Variants in GALNT13 observed in about 807,000 individuals in gnomAD.
GALNT13 encodes the protein UDP-GalNAc:polypeptide N-acetylgalactosaminyltransferase 13.
A neutral mutation model predicts 64.2 loss-of-function variants in GALNT13; 28 were observed. The ratio of observed to expected loss-of-function variants is 0.44; its 90% CI spans 0.32 to 0.60. GALNT13 has a LOEUF of 0.60. Among genes scored for constraint, GALNT13 ranks in the 20% least tolerant of loss-of-function variants. GALNT13 has a pLI of 0.05. For missense variants in GALNT13, 577 were observed against 669.8 expected (o/e 0.86, Z 1.53); for synonymous variants, 214 against 224.6 (o/e 0.95, Z 0.42).
intron 3 of GALNT13, among the ~76,000 whole-genome samples, chr2:154,066,111 A>G (rs781207307): frequency 1.3e-5 from 2 of 152,206 alleles, no homozygotes; most frequent in Non-Finnish European, 2.9e-5. Flanking sequence ...AGCGTCTCTT[A>G]ATAGAATTGA....
chr2:154,428,376 G>T (rs147559040), intron 11 of GALNT13, among the ~76,000 whole-genome samples: 1 of 152,090 alleles, frequency 6.6e-6, no homozygotes, highest in South Asian at 2.1e-4. Flanking sequence ...AGTAAATATT[G>T]TCCTGATGAA....
the GALNT13 span, among the ~76,000 whole-genome samples, chr2:153,129,977 T>A: frequency 6.6e-6 from 1 of 152,182 alleles, no homozygotes; most frequent in African/African-American, 2.4e-5. Context: ...AAAAGGCGGC[T>A]GTGAGGATGA....
intron 9 of GALNT13, among the ~76,000 whole-genome samples, chr2:154,353,782 G>A (rs912589728): frequency 8.5e-5 from 13 of 152,108 alleles, no homozygotes; most frequent in African/African-American, 2.9e-4. Flanking sequence ...CATTGTGTAG[G>A]ATGGGTATAT....
chr2:153,257,123 C>T, the GALNT13 span, among the ~76,000 whole-genome samples: 12 of 152,234 alleles, frequency 7.9e-5, no homozygotes, highest in South Asian at 2.1e-4. Context: ...GCGTAGGACC[C>T]TCCGAGCCAG....
the GALNT13 span, among the ~76,000 whole-genome samples, chr2:153,338,079 T>A: frequency 2.0e-5 from 3 of 152,076 alleles, no homozygotes; most frequent in Non-Finnish European, 4.4e-5. Flanking sequence ...TCACTTCAGG[T>A]CAGGAGTTCA....
At chr2:154,438,105 C>A (rs1701086356) in intron 11 of GALNT13, among the ~76,000 whole-genome samples, 1 of 151,972 alleles carries the variant, frequency 6.6e-6, no homozygotes, top group Non-Finnish European at 1.5e-5. Flanking sequence ...CTTCTACAAC[C>A]TTCAGAAGCT....
the GALNT13 span, among the ~76,000 whole-genome samples, chr2:153,650,838 G>GCACATT: frequency 6.6e-6 from 1 of 152,000 alleles, no homozygotes; most frequent in East Asian, 1.9e-4. Flanking sequence ...TAAACAAAAT[G>GCACATT]CACATTTCAT....
At chr2:154,242,524 G>A (rs1689549462) in intron 5 of GALNT13, among the ~76,000 whole-genome samples, 174 bp from the exon 6 acceptor site, 1 of 151,974 alleles carries the variant, frequency 6.6e-6, no homozygotes, top group African/African-American at 2.4e-5. Flanking sequence ...TGATTTTATG[G>A]ATACTTGACA....
the GALNT13 span, among the ~76,000 whole-genome samples, chr2:153,461,937 C>T: frequency 6.6e-6 from 1 of 152,030 alleles, no homozygotes; most frequent in Non-Finnish European, 1.5e-5. Context: ...AGAGCTCTTT[C>T]TATAAGTTAT....
intron 3 of GALNT13, among the ~76,000 whole-genome samples, chr2:154,007,878 G>A (rs190041582): frequency 8.2e-4 from 125 of 151,870 alleles, no homozygotes; most frequent in Non-Finnish European, 4.0e-4. Flanking sequence ...TACCAACTAT[G>A]GCCTAATCTA....
the GALNT13 span, among the ~76,000 whole-genome samples, chr2:153,251,428 C>G: frequency 0.028 from 4,236 of 152,108 alleles, 184 homozygotes; most frequent in African/African-American, 0.091. Context: ...ATTTTATTAT[C>G]AGCTATGAAA....
chr2:153,443,912 T>C, the GALNT13 span, among the ~76,000 whole-genome samples: 1 of 151,202 alleles, frequency 6.6e-6, no homozygotes, highest in Non-Finnish European at 1.5e-5. Flanking sequence ...GACAAGAAAC[T>C]CCATTTCAAA....
chr2:153,587,620 T>C, the GALNT13 span, among the ~76,000 whole-genome samples: 1 of 152,156 alleles, frequency 6.6e-6, no homozygotes, highest in Non-Finnish European at 1.5e-5. Flanking sequence ...CCTTCCTCCA[T>C]GATTCAGTTA....
the GALNT13 span, among the ~76,000 whole-genome samples, chr2:153,251,991 A>T: frequency 0.051 from 7,625 of 150,864 alleles, 690 homozygotes; most frequent in African/African-American, 0.18. Context: ...TACCCAGTAA[A>T]GGGATGGCTG....
chr2:153,473,395 G>A, the GALNT13 span, among the ~76,000 whole-genome samples: 1 of 151,954 alleles, frequency 6.6e-6, no homozygotes, highest in Non-Finnish European at 1.5e-5. Context: ...GTTAATCCTG[G>A]ACTTTCAAGT....
the GALNT13 span, among the ~76,000 whole-genome samples, chr2:153,105,668 A>G: frequency 5.9e-5 from 9 of 152,198 alleles, no homozygotes; most frequent in Non-Finnish European, 1.2e-4. Flanking sequence ...CAACTTCAGC[A>G]AAGTCTCAGG....
the GALNT13 span, among the ~76,000 whole-genome samples, chr2:153,321,098 G>A: frequency 6.6e-6 from 1 of 152,120 alleles, no homozygotes; most frequent in Non-Finnish European, 1.5e-5. Context: ...ATCAATACAA[G>A]CTTGATCTTT....
At chr2:153,080,629 A>G in the GALNT13 span, among the ~76,000 whole-genome samples, 2 of 152,116 alleles carry the variant, frequency 1.3e-5, no homozygotes, top group Admixed American at 1.3e-4. Context: ...TTTTATATAT[A>G]AGACCTTGTT....
chr2:153,433,166 G>T, the GALNT13 span, among the ~76,000 whole-genome samples: 4 of 152,202 alleles, frequency 2.6e-5, no homozygotes, highest in Admixed American at 2.6e-4. Flanking sequence ...AAGAAGAGAG[G>T]AAATTGTAAA....
Sources: gnomAD v4.1 joint callset for allele counts (sites outside exome capture counted in the v4.1 genomes callset) on GRCh38, gnomAD v4.1.1 for gene constraint, MANE v1.5 for transcripts, NCBI Gene and HGNC (gene_info 2026-07-23, HGNC 2026-07-21) for gene names.